Variants in LRRK2 observed in about 807,000 individuals in gnomAD.
The protein encoded by LRRK2 is leucine-rich repeat serine/threonine-protein kinase 2.
A neutral mutation model predicts 302.6 loss-of-function variants in LRRK2; 203 were observed. The observed-to-expected ratio is 0.67, with a 90% CI of 0.60 to 0.75. The LOEUF (loss-of-function observed/expected upper bound fraction) is 0.75, where lower values mean the gene tolerates loss of function less well. Among genes scored for constraint, LRRK2 ranks in the 30% least tolerant of loss-of-function variants. The pLI, the probability that LRRK2 is intolerant of heterozygous loss-of-function variation, is 0.00. For synonymous variants in LRRK2, 1,066 were observed against 1,031.9 expected, an observed-to-expected ratio of 1.03 and a Z score of -0.63; for missense variants, 2,830 against 2,951.0, an observed-to-expected ratio of 0.96 and a Z score of 0.95.
chr12:40,346,999 T>C, intron 42 of LRRK2, 76 bp downstream of exon 42: 2 of 1,194,468 alleles, frequency 1.7e-6, no homozygotes, highest in Non-Finnish European at 1.2e-6. Flanking sequence ...ATTGTAGTTG[T>C]ATGCTTAATT....
intron 41 of LRRK2, among the ~76,000 whole-genome samples, chr12:40,346,421 T>C (rs148319899): frequency 0.032 from 4,898 of 152,248 alleles, 225 homozygotes; most frequent in Admixed American, 0.12. Context: ...CCTAGTACAC[T>C]TTATTTCTTA....
At chr12:40,314,653 A>G (rs746180640) in intron 32 of LRRK2, among the ~76,000 whole-genome samples, 115 of 152,044 alleles carry the variant, frequency 7.6e-4, no homozygotes, top group Non-Finnish European at 1.5e-3. Flanking sequence ...TCAAATATTG[A>G]TCTCAAAGAT....
intron 6 of LRRK2, among the ~76,000 whole-genome samples, chr12:40,241,825 T>G (rs1218968137): frequency 6.6e-6 from 1 of 152,214 alleles, no homozygotes; most frequent in Non-Finnish European, 1.5e-5. Context: ...TGCTTTTTTT[T>G]GGTGATGTTT....
intron 14 of LRRK2, among the ~76,000 whole-genome samples, chr12:40,267,084 GTAAC>G (rs900961417): frequency 1.3e-5 from 2 of 152,088 alleles, no homozygotes; most frequent in Admixed American, 1.3e-4. Context: ...GTATACATAT[GTAAC>G]TAACCTGCAC....
chr12:40,365,285 G>A (rs1946842764), intron 49 of LRRK2: 2 of 476,152 alleles, frequency 4.2e-6, no homozygotes, highest in South Asian at 3.1e-5. Flanking sequence ...CACTCAGTTT[G>A]GGTCTTACTT....
chr12:40,336,844 A>G (rs1365355643), intron 40 of LRRK2, among the ~76,000 whole-genome samples: 1 of 152,154 alleles, frequency 6.6e-6, no homozygotes, highest in African/African-American at 2.4e-5. Flanking sequence ...CCTTCATTTA[A>G]CTAACTCTAG....
Position 40,368,915 on chromosome 12 carries a change from T to C in LRRK2, c.*1150T>C, listed in dbSNP as rs1946957613. ...TAATAATTTGAGGTCATTTCTGCTT[T>C]AGGAAAAGTACTTTCGGTAAATTCT... is the stretch of plus-strand genomic sequence containing the variant. On this transcript the variant is annotated 3_prime_UTR_variant, in exon 51 of 51. Transcript: ENST00000298910. 6.6e-6 allele frequency: 1 copy of C among 151,892 alleles called. No individual in the cohort carries two copies. Among genetic ancestry groups the C allele is most frequent in the South Asian group, 2.1e-4 (1 of 4,828 alleles). The allele number at this position is 151,892 out of a possible 1,614,324, so 9.4% of individuals were successfully genotyped here.
In LRRK2 at chr12:40,359,254, G is replaced by A; in HGVS notation, c.6844-6G>A. On this transcript the variant is annotated splice_polypyrimidine_tract_variant and splice_region_variant and intron_variant, in intron 46 of 50. Transcript: ENST00000298910. ...CTGAGTGTGTTTTCTTTTTTTTTTGGCAAAGCTTAAAGGAGCTGCTCCTTT... is the reference window on the plus strand; with the variant it reads ...CTGAGTGTGTTTTCTTTTTTTTTTGACAAAGCTTAAAGGAGCTGCTCCTTT... 2 of 1,588,148 alleles carry A rather than the reference G, an allele frequency of 1.3e-6. No homozygotes were observed. The highest frequency in any genetic ancestry group is 1.1e-5 in the South Asian group (1 of 88,314).
At chr12:40,225,937 G>GATGA (rs1320719933) in intron 2 of LRRK2, among the ~76,000 whole-genome samples, 1 of 152,114 alleles carries the variant, frequency 6.6e-6, no homozygotes, top group African/African-American at 2.4e-5. Context: ...TTATTGGCAA[G>GATGA]ATGAATTCAT....
intron 8 of LRRK2, among the ~76,000 whole-genome samples, chr12:40,250,471 C>G (rs922581453): frequency 2.0e-5 from 3 of 152,176 alleles, no homozygotes; most frequent in Admixed American, 2.0e-4. Flanking sequence ...GCCTGGGCAA[C>G]AAGAATGAAA....
At position 40,347,072 on chromosome 12, in the gene LRRK2, T is replaced by G. The variant is rs1946210438; in HGVS notation, c.6280+149T>G. On this transcript the variant is annotated intron_variant, in intron 42 of 50. Coordinates refer to ENST00000298910, the MANE Select transcript of LRRK2 (RefSeq NM_198578.4). ...AATATTCTTAAATCTTGTGATATAT[T>G]AATAAAAATCACCTGAAAAAGGTAG... The G allele has an allele frequency of 5.9e-6, 4 of 682,822 alleles. No homozygotes were observed. In the South Asian group the frequency reaches 9.1e-5, roughly 16 times the overall value. The allele number at this position is 682,822 out of a possible 1,614,324, so 42.3% of individuals were successfully genotyped here.
intron 42 of LRRK2, among the ~76,000 whole-genome samples, chr12:40,347,447 A>G (rs566758658): frequency 9.2e-5 from 14 of 152,316 alleles, no homozygotes; most frequent in African/African-American, 3.4e-4. Context: ...TCACCACAAA[A>G]TAACATTTTA....
At chr12:40,344,631 T>G (rs895489732) in intron 41 of LRRK2, among the ~76,000 whole-genome samples, 4 of 152,294 alleles carry the variant, frequency 2.6e-5, no homozygotes, top group Non-Finnish European at 1.5e-5. Flanking sequence ...GTCTGTAAAA[T>G]AGTAGAGAGA....
In LRRK2 at chr12:40,346,933, G is replaced by T; in HGVS notation, c.6280+10G>T. On this transcript the variant is annotated intron_variant, in intron 42 of 50. Transcript: ENST00000298910. ...CAAGGAAAATTACCTGGTAAGTTCT[G>T]TTTTCTCTACAATGAAGATTTTTTT... 1 of 1,605,276 alleles carries T rather than the reference G, an allele frequency of 6.2e-7. No individual in the cohort carries two copies. Among genetic ancestry groups the T allele is most frequent in the Non-Finnish European group, 8.5e-7 (1 of 1,177,088 alleles).
intron 24 of LRRK2, among the ~76,000 whole-genome samples, chr12:40,298,778 A>ATATAT (rs1944480875): frequency 1.6e-5 from 1 of 60,636 alleles, no homozygotes; most frequent in African/African-American, 6.3e-5. Flanking sequence ...GTCTCAAAGA[A>ATATAT]ATATATATAT....
chr12:40,321,926 C>G, intron 35 of LRRK2, 109 bp from the exon 36 acceptor site: 1 of 1,105,140 alleles, frequency 9.0e-7, no homozygotes, highest in East Asian at 2.5e-5. Context: ...CAACCCAATA[C>G]TTTATTTCAA....
intron 6 of LRRK2, 35 bp downstream of exon 6, chr12:40,240,652 T>C: frequency 6.3e-7 from 1 of 1,592,034 alleles, no homozygotes; most frequent in Non-Finnish European, 8.6e-7. Context: ...ATTTTTTGTA[T>C]CTGAAAAATT....
At chr12:40,298,778 A>ATATATATATATATATATATATAT in intron 24 of LRRK2, among the ~76,000 whole-genome samples, 1 of 60,646 alleles carries the variant, frequency 1.6e-5, no homozygotes. Flanking sequence ...GTCTCAAAGA[A>ATATATATATATATATATATATAT]ATATATATAT....
chr12:40,313,892 G>T, intron 31 of LRRK2, 80 bp from the exon 32 acceptor site: 1 of 1,100,442 alleles, frequency 9.1e-7, no homozygotes, highest in Non-Finnish European at 1.4e-6. Flanking sequence ...TGTAAAAACT[G>T]TTAGCACTGA....
Sources: allele counts gnomAD v4.1 joint callset (sites outside exome capture counted in the v4.1 genomes callset), GRCh38; gene constraint gnomAD v4.1.1; transcripts MANE v1.5; gene names NCBI Gene and HGNC (gene_info 2026-07-23, HGNC 2026-07-21).